Variants in PTGFR observed in about 807,000 individuals in gnomAD.
The protein encoded by PTGFR is prostaglandin F receptor.
PTGFR carries 15 observed loss-of-function variants against 26.2 expected under a neutral mutation model. The ratio of observed to expected loss-of-function variants is 0.57; its 90% CI spans 0.38 to 0.88. PTGFR has a LOEUF of 0.88. PTGFR is among the 40% of genes least tolerant of loss of function. The pLI is 0.00. For missense variants in PTGFR, 369 were observed against 427.2 expected (o/e 0.86, Z 1.20); for synonymous variants, 165 against 151.1 (o/e 1.09, Z -0.68).
chr1:78,491,991 G>C (rs1007513276), intron 1 of PTGFR, among the ~76,000 whole-genome samples: 1 of 152,230 alleles, frequency 6.6e-6, no homozygotes, highest in Non-Finnish European at 1.5e-5. Context: ...CACAGTGAGC[G>C]TGGCCCGCCC....
chr1:78,509,549 C>T (rs192549753), intron 2 of PTGFR, among the ~76,000 whole-genome samples: 1 of 152,310 alleles, frequency 6.6e-6, no homozygotes, highest in East Asian at 1.9e-4. Context: ...ATATCTCTCT[C>T]ATTATGCTTG....
intron 2 of PTGFR, among the ~76,000 whole-genome samples, chr1:78,525,512 A>G (rs11162504): frequency 0.24 from 35,878 of 152,000 alleles, 4,448 homozygotes; most frequent in South Asian, 0.35. Context: ...ACCTCCTACT[A>G]TATTAATGGG....
At chr1:78,510,852 A>G (rs1649949303) in intron 2 of PTGFR, among the ~76,000 whole-genome samples, 1 of 152,230 alleles carries the variant, frequency 6.6e-6, no homozygotes, top group Non-Finnish European at 1.5e-5. Context: ...TTAGGTAAAC[A>G]TTCTCATTCC....
At chr1:78,524,261 G>A (rs1011646805) in intron 2 of PTGFR, among the ~76,000 whole-genome samples, 1 of 152,048 alleles carries the variant, frequency 6.6e-6, no homozygotes, top group Non-Finnish European at 1.5e-5. Context: ...GGCTTGATGA[G>A]TTGGTTGGCT....
At chr1:78,533,863 GT>G (rs1054854260) in intron 2 of PTGFR, among the ~76,000 whole-genome samples, 16 of 152,208 alleles carry the variant, frequency 1.1e-4, no homozygotes, top group Admixed American at 2.0e-4. Flanking sequence ...TGATAGAATT[GT>G]TTTACGTGGC....
intron 2 of PTGFR, among the ~76,000 whole-genome samples, chr1:78,535,120 C>A (rs1215887578): frequency 6.6e-6 from 1 of 152,134 alleles, no homozygotes; most frequent in East Asian, 1.9e-4. Context: ...TGCCTTCCCA[C>A]ATCTGGTGAC....
At chr1:78,515,500 A>C (rs918038894) in intron 2 of PTGFR, among the ~76,000 whole-genome samples, 1 of 152,226 alleles carries the variant, frequency 6.6e-6, no homozygotes, top group Non-Finnish European at 1.5e-5. Context: ...AAGTGTAGTC[A>C]AATGTATATG....
At chr1:78,516,883 G>A (rs1650100995) in intron 2 of PTGFR, among the ~76,000 whole-genome samples, 1 of 152,008 alleles carries the variant, frequency 6.6e-6, no homozygotes, top group African/African-American at 2.4e-5. Context: ...AAAATCAGAG[G>A]GTGCAAGAAG....
chr1:78,500,099 T>C (rs3766348), intron 2 of PTGFR, among the ~76,000 whole-genome samples: 34,536 of 151,862 alleles, frequency 0.23, 4,148 homozygotes, highest in African/African-American at 0.27. Context: ...AGAATCATGT[T>C]GGGGGACAAG....
Position 78,521,703 on chromosome 1 carries a change from G to A in PTGFR, c.799-14703G>A, listed in dbSNP as rs141252940. On this transcript the variant is annotated intron_variant, in intron 2 of 2. Coordinates refer to ENST00000370757, the MANE Select transcript of PTGFR (RefSeq NM_000959.4). ...TATACTTCATTTTTTGTTTCTTATA[G>A]CATTGTCAATACTATGTTAAACGGT... Among the ~76,000 whole-genome samples, 234 of 151,922 alleles carry A rather than the reference G, an allele frequency of 1.5e-3. 1 individual carries two copies. Among genetic ancestry groups the A allele is most frequent in the East Asian group, 0.011 (55 of 5,162 alleles).
At chr1:78,504,682 C>T (rs1459283310) in intron 2 of PTGFR, among the ~76,000 whole-genome samples, 1 of 152,070 alleles carries the variant, frequency 6.6e-6, no homozygotes, top group African/African-American at 2.4e-5. Context: ...TAGCAATTTT[C>T]CCCATTCATC....
intron 2 of PTGFR, among the ~76,000 whole-genome samples, chr1:78,503,629 C>T (rs193275680): frequency 3.3e-5 from 5 of 152,264 alleles, no homozygotes; most frequent in Admixed American, 3.3e-4. Context: ...CTTTCTATCT[C>T]CTTCATTTTG....
chr1:78,522,992 A>C (rs1488786366), intron 2 of PTGFR, among the ~76,000 whole-genome samples: 1 of 152,036 alleles, frequency 6.6e-6, no homozygotes, highest in Non-Finnish European at 1.5e-5. Context: ...TTACTTTGTA[A>C]TCTTCTTTAT....
intron 2 of PTGFR, among the ~76,000 whole-genome samples, chr1:78,506,009 C>T (rs1156329046): frequency 6.6e-6 from 1 of 152,126 alleles, no homozygotes; most frequent in African/African-American, 2.4e-5. Context: ...CATTTGTGTA[C>T]AAGTTTTTGA....
chr1:78,502,547 A>G (rs918078755), intron 2 of PTGFR, among the ~76,000 whole-genome samples: 16 of 152,150 alleles, frequency 1.1e-4, no homozygotes, highest in African/African-American at 3.6e-4. Context: ...AACAAGTACC[A>G]TATGCTTCAG....
Position 78,540,145 on chromosome 1 carries a change from C to A in PTGFR, c.*3458C>A, listed in dbSNP as rs920087454. Among the ~76,000 whole-genome samples the A allele has an allele frequency of 1.3e-5, 2 of 152,082 alleles. No individual in the cohort carries two copies. Among genetic ancestry groups the A allele is most frequent in the African/African-American group, 4.8e-5 (2 of 41,424 alleles). On this transcript the variant is annotated 3_prime_UTR_variant, in exon 3 of 3. Transcript: ENST00000370757. ...CACTCAGAGAACTCAGGTGAAAAAA[C>A]AGCCACCATTATATGTGGCTGTTTC...
At position 78,538,073 on chromosome 1, in the gene PTGFR, C is replaced by G. The variant is rs1650701903; in HGVS notation, c.*1386C>G. On this transcript the variant is annotated 3_prime_UTR_variant, in exon 3 of 3. Transcript: ENST00000370757. ...GCTGATTTCAGATTCTCTAGGAAAT[C>G]TGTGTAAGTAACCAGAAGACCTTTC... is the stretch of plus-strand genomic sequence containing the variant. The G allele has an allele frequency of 6.6e-6, 1 of 152,088 alleles. No individual in the cohort carries two copies. The highest frequency in any genetic ancestry group is 2.1e-4 in the South Asian group (1 of 4,826). 9.4% of individuals were successfully genotyped at this position (152,088 alleles called of 1,614,324 possible). A position where few individuals can be genotyped will look rare whatever the true frequency, so the allele number is the denominator to read the frequency against.
At chr1:78,505,772 G>A (rs79998039) in intron 2 of PTGFR, among the ~76,000 whole-genome samples, 3,360 of 152,166 alleles carry the variant, frequency 0.022, 67 homozygotes, top group African/African-American at 0.04. Flanking sequence ...TTGCATAAAC[G>A]GAATCTTACA....
chr1:78,491,363 C>A (rs1047125836), intron 1 of PTGFR, 127 bp downstream of exon 1: 4 of 152,506 alleles, frequency 2.6e-5, no homozygotes, highest in Admixed American at 2.0e-4. Context: ...TGAGTTTGGA[C>A]CAGATTCCCC....
Sources: gnomAD v4.1 joint callset for allele counts (sites outside exome capture counted in the v4.1 genomes callset) on GRCh38, gnomAD v4.1.1 for gene constraint, MANE v1.5 for transcripts, NCBI Gene and HGNC (gene_info 2026-07-23, HGNC 2026-07-21) for gene names.